EXOSC5: variants seen among roughly 807,000 people sequenced by gnomAD.
EXOSC5 encodes exosome complex component RRP46.
Under a neutral mutation model 23.7 loss-of-function variants are expected in EXOSC5, and 15 were observed. That is an observed-to-expected ratio of 0.63 (90% CI 0.42 to 0.97). The LOEUF is 0.97. Among genes scored for constraint, EXOSC5 ranks in the 50% least tolerant of loss-of-function variants. The pLI is 0.00. For missense variants in EXOSC5, 305 were observed against 316.3 expected, an observed-to-expected ratio of 0.96 and a Z score of 0.27; for synonymous variants, 143 against 140.9, an observed-to-expected ratio of 1.02 and a Z score of -0.11.
intron 5 of EXOSC5, among the ~76,000 whole-genome samples, 162 bp downstream of exon 5, chr19:41,387,352 G>A (rs73931471): frequency 0.031 from 4,781 of 152,152 alleles, 238 homozygotes; most frequent in African/African-American, 0.11. Context: ...AAACATTTCC[G>A]CAAAGGTTTC....
chr19:41,386,781 T>A, intron 5 of EXOSC5, 56 bp from the exon 6 acceptor site: 1 of 1,500,148 alleles, frequency 6.7e-7, no homozygotes. Flanking sequence ...CACACACGAC[T>A]TGGCTGACCC....
chr19:41,396,367 G>T (rs1385072070), intron 1 of EXOSC5, among the ~76,000 whole-genome samples: 3 of 152,072 alleles, frequency 2.0e-5, no homozygotes, highest in Non-Finnish European at 4.4e-5. Context: ...CCGCCACCAT[G>T]CCTGGCTAGT....
chr19:41,386,553 G>C lies in EXOSC5; in HGVS notation c.*80C>G. 7.1e-7 allele frequency: 1 copy of C among 1,410,908 alleles called. No individual in the cohort carries two copies. Among genetic ancestry groups the C allele is most frequent in the South Asian group, 1.3e-5 (1 of 79,622 alleles). 87.4% of individuals were successfully genotyped at this position (1,410,908 alleles called of 1,614,324 possible). On this transcript the variant is annotated 3_prime_UTR_variant, in exon 6 of 6. Transcript: ENST00000221233. ...AGGAGCCCATGGGTCAGAGAGGCAA[G>C]GCTGGGCTGCTGGTTTGCTTCAGGC...
intron 5 of EXOSC5, among the ~76,000 whole-genome samples, chr19:41,386,968 C>A (rs999677314): frequency 6.6e-6 from 1 of 152,156 alleles, no homozygotes; most frequent in African/African-American, 2.4e-5. Flanking sequence ...AGGACTCAGA[C>A]CTATCAGGCA....
At position 41,389,918 on chromosome 19, in the gene EXOSC5, G is replaced by A. The variant is rs1342414761; in HGVS notation, c.385-13C>T. ...AACAGGCCAGGAGCTGAGCACCACA[G>A]GAAATGGTTAAGTTTCTTTTTTTTT... On this transcript the variant is annotated splice_polypyrimidine_tract_variant and intron_variant, in intron 3 of 5. Coordinates refer to ENST00000221233, the MANE Select transcript of EXOSC5 (RefSeq NM_020158.4). 1.3e-6 allele frequency: 2 copies of A among 1,576,534 alleles called. No homozygotes were observed. Among genetic ancestry groups the A allele is most frequent in the African/African-American group, 1.4e-5 (1 of 72,272 alleles).
At chr19:41,397,020 A>ATG (rs955307874) in intron 1 of EXOSC5, among the ~76,000 whole-genome samples, 161 bp downstream of exon 1, 56 of 152,208 alleles carry the variant, frequency 3.7e-4, no homozygotes, top group Middle Eastern at 3.4e-3. Flanking sequence ...TGAGGGAGAG[A>ATG]TGTGTGTATC....
intron 2 of EXOSC5, 110 bp from the exon 3 acceptor site, chr19:41,392,072 T>G: frequency 7.0e-7 from 1 of 1,432,290 alleles, no homozygotes. Context: ...CCTGGGATGG[T>G]GCAGTTACCT....
At chr19:41,392,059 C>T in intron 2 of EXOSC5, 97 bp from the exon 3 acceptor site, 2 of 1,504,494 alleles carry the variant, frequency 1.3e-6, no homozygotes, top group Non-Finnish European at 1.8e-6. Context: ...CTCACGGTCT[C>T]AGCCTGGGAT....
intron 1 of EXOSC5, among the ~76,000 whole-genome samples, chr19:41,395,368 T>G (rs2039054537): frequency 2.0e-5 from 3 of 151,582 alleles, no homozygotes; most frequent in African/African-American, 7.3e-5. Context: ...AGCACAAGAG[T>G]CTCTCCCCTC....
chr19:41,389,561 G>A (rs1334401598), intron 4 of EXOSC5, among the ~76,000 whole-genome samples: 10 of 152,170 alleles, frequency 6.6e-5, no homozygotes, highest in South Asian at 2.1e-4. Context: ...CACCGCTCCC[G>A]GCCCCACATT....
chr19:41,392,643 A>T (rs939027485), intron 2 of EXOSC5, among the ~76,000 whole-genome samples: 1 of 151,904 alleles, frequency 6.6e-6, no homozygotes, highest in South Asian at 2.1e-4. Flanking sequence ...GGAATGAATG[A>T]GAGTGGAGGC....
chr19:41,387,496 T>A lies in EXOSC5; in HGVS notation c.615+18A>T. The A allele has an allele frequency of 6.4e-7, 1 of 1,573,412 alleles. No individual in the cohort carries two copies. The highest frequency in any genetic ancestry group is 1.9e-5 in the Admixed American group (1 of 52,426). ...GGAAGGAAGGTTCTGGCTTTTCCCC[T>A]CATCCCCATGCTGGTACCTCAGTGT... On this transcript the variant is annotated intron_variant, in intron 5 of 5. Transcript: ENST00000221233.
intron 4 of EXOSC5, among the ~76,000 whole-genome samples, chr19:41,389,505 TC>T (rs991536022): frequency 4.6e-5 from 7 of 152,206 alleles, no homozygotes; most frequent in African/African-American, 1.4e-4. Context: ...CCTCAGGTGA[TC>T]CACCCACCTC....
intron 1 of EXOSC5, among the ~76,000 whole-genome samples, chr19:41,394,947 T>C (rs549294892): frequency 4.6e-4 from 70 of 151,586 alleles, no homozygotes; most frequent in Non-Finnish European, 8.7e-4. Context: ...GGCAGAAGAA[T>C]TGCTTGAACC....
chr19:41,388,728 C>T (rs1012328018), intron 4 of EXOSC5, among the ~76,000 whole-genome samples: 1 of 152,128 alleles, frequency 6.6e-6, no homozygotes, highest in Non-Finnish European at 1.5e-5. Context: ...TAGCACTGGG[C>T]AGAAAACTCA....
At chr19:41,387,463 T>C in intron 5 of EXOSC5, 51 bp downstream of exon 5, 2 of 1,433,734 alleles carry the variant, frequency 1.4e-6, no homozygotes, top group Non-Finnish European at 1.9e-6. Flanking sequence ...CAAGACCGTA[T>C]GTCAGTGGGA....
At chr19:41,395,121 C>A (rs765712480) in intron 1 of EXOSC5, among the ~76,000 whole-genome samples, 1 of 152,024 alleles carries the variant, frequency 6.6e-6, no homozygotes, top group African/African-American at 2.4e-5. Flanking sequence ...CAACTGCACC[C>A]GGCCTCTTCT....
At chr19:41,387,932 T>C (rs1391493896) in intron 4 of EXOSC5, among the ~76,000 whole-genome samples, 1 of 152,042 alleles carries the variant, frequency 6.6e-6, no homozygotes, top group Non-Finnish European at 1.5e-5. Flanking sequence ...CACTCCAGCA[T>C]GGGCGACAGT....
Position 41,392,939 on chromosome 19 carries a change from C to T in EXOSC5, c.190G>A (p.Val64Met). 2 of 1,613,636 alleles carry T rather than the reference C, an allele frequency of 1.2e-6. No homozygotes were observed. The highest frequency in any genetic ancestry group is 1.7e-6 in the Non-Finnish European group (2 of 1,180,026). The change falls in exon 2 of 6, where the codon GTG (valine) becomes ATG (methionine). Residue 64 changes from valine (V) to methionine (M), a missense_variant. Val to Met is a conservative substitution (Grantham distance 21). Transcript: ENST00000221233. ...TTGAAAATCTCTTTGCTGACCTTCA[C>T]CTCGGCCGGCCCGTACACACCCGCC... ...VLAGVYGPAE[V>M]KVSKEIFNKA... is the part of the protein sequence containing the mutation.
Sources: gnomAD v4.1 joint callset for allele counts (sites outside exome capture counted in the v4.1 genomes callset) on GRCh38, gnomAD v4.1.1 for gene constraint, MANE v1.5 for transcripts, NCBI Gene and HGNC (gene_info 2026-07-23, HGNC 2026-07-21) for gene names.